Variants in PRKCI observed in about 807,000 individuals in gnomAD.
PRKCI encodes the protein protein kinase C iota, also known as protein kinase C iota type.
PRKCI carries 43 observed loss-of-function variants against 84.0 expected under a neutral mutation model. The ratio of observed to expected loss-of-function variants is 0.51; its 90% CI spans 0.40 to 0.66. PRKCI has a LOEUF of 0.66. PRKCI is among the 30% of genes least tolerant of loss of function. PRKCI has a pLI of 0.00. For missense variants in PRKCI, 459 were observed against 745.6 expected, an observed-to-expected ratio of 0.62 and a Z score of 4.48; for synonymous variants, 216 against 234.4, an observed-to-expected ratio of 0.92 and a Z score of 0.72.
intron 16 of PRKCI, among the ~76,000 whole-genome samples, 163 bp downstream of exon 16, chr3:170,297,556 G>T (rs1273405181): frequency 6.6e-6 from 1 of 152,158 alleles, no homozygotes; most frequent in Admixed American, 6.6e-5. Context: ...GCGAGTTCAA[G>T]CAGTTCTGTC....
At chr3:170,279,051 A>C (rs544210626) in intron 8 of PRKCI, among the ~76,000 whole-genome samples, 1 of 152,250 alleles carries the variant, frequency 6.6e-6, no homozygotes, top group South Asian at 2.1e-4. Context: ...TATTATTGAC[A>C]GGGTCTCACT....
chr3:170,260,561 A>T (rs1212126504), intron 3 of PRKCI, among the ~76,000 whole-genome samples: 2 of 152,186 alleles, frequency 1.3e-5, no homozygotes, highest in East Asian at 3.9e-4. Context: ...TCCTGGGTTC[A>T]AGCATCTCAG....
Position 170,270,417 on chromosome 3 carries a change from T to C in PRKCI, c.451-4T>C. ...ATAAAATATTGTTGAATTACTCTTT[T>C]CAGCGTGCTCACTGTGCCATCTGCA... On this transcript the variant is annotated splice_polypyrimidine_tract_variant and splice_region_variant and intron_variant, in intron 5 of 17. Coordinates refer to ENST00000295797, the MANE Select transcript of PRKCI (RefSeq NM_002740.6). 1 of 1,594,382 alleles carries C rather than the reference T, an allele frequency of 6.3e-7. No homozygotes were observed. Among genetic ancestry groups the C allele is most frequent in the Admixed American group, 1.7e-5 (1 of 58,826 alleles).
intron 14 of PRKCI, among the ~76,000 whole-genome samples, chr3:170,294,939 G>A (rs1181298839): frequency 1.3e-5 from 2 of 152,140 alleles, no homozygotes; most frequent in African/African-American, 4.8e-5. Context: ...CCCAGGCATA[G>A]TGGCTCACAT....
At chr3:170,238,594 CTTTTT>C (rs1231292323) in intron 2 of PRKCI, among the ~76,000 whole-genome samples, 1 of 125,124 alleles carries the variant, frequency 8.0e-6, no homozygotes. Context: ...CATTTCTTTT[CTTTTT>C]TTTTTTTTTT....
chr3:170,249,936 T>C (rs1733395908), intron 2 of PRKCI, among the ~76,000 whole-genome samples: 1 of 152,102 alleles, frequency 6.6e-6, no homozygotes, highest in African/African-American at 2.4e-5. Context: ...TAAACTTTGC[T>C]CCTGGACTAG....
At position 170,263,457 on chromosome 3, in the gene PRKCI, T is replaced by C. The variant is rs1345128239; in HGVS notation, c.364+28T>C. The stretch of plus-strand genomic sequence containing the variant: ...GAGTGTTTATATACTTCATACCTTT[T>C]ACAAGAGTTACTATGCTATGGTACA... On this transcript the variant is annotated intron_variant, in intron 4 of 17. Coordinates refer to ENST00000295797, the MANE Select transcript of PRKCI (RefSeq NM_002740.6). 21 of 1,528,794 alleles carry C rather than the reference T, an allele frequency of 1.4e-5. No homozygotes were observed. The East Asian group carries it at 4.7e-4, about 34-fold the overall frequency. The allele number at this position is 1,528,794 out of a possible 1,614,324, so 94.7% of individuals were successfully genotyped here. A position where few individuals can be genotyped will look rare whatever the true frequency, so the allele number is the denominator to read the frequency against.
At chr3:170,271,143 C>G (rs1733994949) in intron 6 of PRKCI, among the ~76,000 whole-genome samples, 1 of 152,088 alleles carries the variant, frequency 6.6e-6, no homozygotes, top group Non-Finnish European at 1.5e-5. Context: ...CCTTCCAGAA[C>G]TTTTCCTGTG....
intron 1 of PRKCI, among the ~76,000 whole-genome samples, chr3:170,230,537 C>G (rs1009749638): frequency 3.9e-5 from 6 of 152,200 alleles, no homozygotes; most frequent in Admixed American, 3.9e-4. Flanking sequence ...GCCATGTTGG[C>G]CAGGCTGGTC....
chr3:170,279,331 T>C (rs1302129253), intron 8 of PRKCI, among the ~76,000 whole-genome samples: 2 of 152,236 alleles, frequency 1.3e-5, no homozygotes, highest in Non-Finnish European at 2.9e-5. Flanking sequence ...GTGCGCAGCC[T>C]AAATTATTAT....
intron 16 of PRKCI, 100 bp downstream of exon 16, chr3:170,297,493 C>T (rs1734713103): frequency 3.0e-6 from 3 of 983,714 alleles, no homozygotes; most frequent in Non-Finnish European, 4.7e-6. Context: ...CTTGCTCTGT[C>T]ACCGAGGCTG....
intron 12 of PRKCI, among the ~76,000 whole-genome samples, chr3:170,286,704 AT>A (rs1182485710): frequency 2.0e-5 from 3 of 151,736 alleles, no homozygotes. Context: ...CTGAGTAAAT[AT>A]TTTGGTTTAT....
chr3:170,234,900 T>C (rs925242017), intron 1 of PRKCI, among the ~76,000 whole-genome samples: 5 of 151,614 alleles, frequency 3.3e-5, no homozygotes, highest in Non-Finnish European at 5.9e-5. Flanking sequence ...CCTCCCATGT[T>C]CCCCCCCTGA....
chr3:170,289,661 C>T (rs1045517208), intron 12 of PRKCI, among the ~76,000 whole-genome samples: 7 of 151,930 alleles, frequency 4.6e-5, no homozygotes, highest in Non-Finnish European at 7.4e-5. Flanking sequence ...TCCTGTAATC[C>T]CAGCACTTTG....
Position 170,293,388 on chromosome 3 carries a change from A to G in PRKCI, c.1297A>G (p.Ser433Gly). ...EILRGEDYGF[S>G]VDWWALGVLM... is the part of the protein sequence containing the mutation. The stretch of plus-strand genomic sequence containing the variant: ...TTTAAAATTTCTTTCTGAAGGTTTC[A>G]GTGTTGACTGGTGGGCTCTTGGAGT... Residue 433 changes from serine (S) to glycine (G), a missense_variant, in exon 14 of 18, where the codon AGT becomes GGT. Physicochemically the swap from Ser to Gly is moderately conservative, Grantham distance 56 (BLOSUM62 0). This residue lies in a region of PRKCI where 209 missense variants were observed against 425.9 expected (regional missense o/e 0.49). Transcript: ENST00000295797. The G allele has an allele frequency of 3.1e-6, 5 of 1,608,196 alleles. No individual in the cohort carries two copies. Among genetic ancestry groups the G allele is most frequent in the Non-Finnish European group, 4.2e-6 (5 of 1,178,362 alleles).
chr3:170,259,529 C>T (rs1439582512), intron 2 of PRKCI, among the ~76,000 whole-genome samples: 1 of 152,110 alleles, frequency 6.6e-6, no homozygotes, highest in Non-Finnish European at 1.5e-5. Flanking sequence ...TGTCCTTAGG[C>T]CAGGCACGGT....
intron 12 of PRKCI, among the ~76,000 whole-genome samples, chr3:170,288,498 C>T (rs1734458550): frequency 1.3e-5 from 2 of 152,250 alleles, no homozygotes; most frequent in South Asian, 2.1e-4. Context: ...CCTATAATTC[C>T]AGCACTTTGG....
At chr3:170,231,661 C>T (rs1165363109) in intron 1 of PRKCI, among the ~76,000 whole-genome samples, 3 of 151,980 alleles carry the variant, frequency 2.0e-5, no homozygotes, top group East Asian at 1.9e-4. Flanking sequence ...GATGGGGATT[C>T]GCCATGTTGG....
intron 12 of PRKCI, among the ~76,000 whole-genome samples, chr3:170,286,811 CTT>C (rs74869773): frequency 1.1e-4 from 16 of 139,898 alleles, no homozygotes; most frequent in Admixed American, 2.9e-4. Flanking sequence ...TTTTTACTTT[CTT>C]TTTTTTTTTT....
Sources: allele counts gnomAD v4.1 joint callset (sites outside exome capture counted in the v4.1 genomes callset), GRCh38; gene constraint gnomAD v4.1.1; regional missense constraint gnomAD v4.1.1; transcripts MANE v1.5; gene names NCBI Gene and HGNC (gene_info 2026-07-23, HGNC 2026-07-21).